The following ZNF708 variants were observed in gnomAD, a reference collection of about 807,000 sequenced individuals.
ZNF708 encodes zinc finger protein 708, also known as ZNF15, ZNF15L1.
Under a neutral mutation model 47.0 loss-of-function variants are expected in ZNF708, and 44 were observed. The ratio of observed to expected loss-of-function variants is 0.94; its 90% confidence interval spans 0.74 to 1.20. The LOEUF is 1.20. ZNF708 is among the 50% of genes most tolerant of loss of function. The pLI, the probability that ZNF708 is intolerant of heterozygous loss-of-function variation, is 0.00. For synonymous variants in ZNF708, 184 were observed against 218.5 expected (o/e 0.84, Z 1.39); for missense variants, 557 against 656.0 (o/e 0.85, Z 1.65).
At chr19:21,323,831 AAAC>A (rs1465536074) in intron 1 of ZNF708, among the ~76,000 whole-genome samples, 1 of 152,190 alleles carries the variant, frequency 6.6e-6, no homozygotes, top group Non-Finnish European at 1.5e-5. Context: ...TCCCCAGAAA[AAAC>A]TAACTGGGCC....
intron 1 of ZNF708, among the ~76,000 whole-genome samples, chr19:21,313,563 G>A (rs996121029): frequency 1.6e-4 from 25 of 151,900 alleles, no homozygotes; most frequent in Non-Finnish European, 3.1e-4. Context: ...TTTGAGACCA[G>A]CCTAGCCAAC....
intron 1 of ZNF708, among the ~76,000 whole-genome samples, chr19:21,323,163 T>C (rs1195275642): frequency 6.6e-6 from 1 of 152,220 alleles, no homozygotes; most frequent in Non-Finnish European, 1.5e-5. Flanking sequence ...CTTCATTGTT[T>C]GTGTTCTCCA....
intron 3 of ZNF708, among the ~76,000 whole-genome samples, chr19:21,307,396 C>A (rs773045657): frequency 6.6e-6 from 1 of 151,728 alleles, no homozygotes; most frequent in Non-Finnish European, 1.5e-5. Flanking sequence ...GAAGCTGAGG[C>A]GGGTGGATCA....
At chr19:21,299,545 G>C (rs1223282362) in intron 3 of ZNF708, among the ~76,000 whole-genome samples, 1 of 152,098 alleles carries the variant, frequency 6.6e-6, no homozygotes, top group South Asian at 2.1e-4. Context: ...GAAATCAGGA[G>C]TTCAAGACCA....
chr19:21,293,953 C>T lies in ZNF708; in HGVS notation c.1013G>A (p.Cys338Tyr), dbSNP rs747212271. 28 of 1,613,260 alleles carry T rather than the reference C, an allele frequency of 1.7e-5. No homozygotes were observed. The highest frequency in any genetic ancestry group is 2.1e-5 in the Non-Finnish European group (25 of 1,179,838). ...RIHTGEKPYK[C>Y]EECGKAFSVF... Reference sequence around the variant, plus strand: ...ACTAAAAGCTTTGCCACATTCTTCACATTTGTAGGGTTTCTCACCAGTATG... The same window carrying T: ...ACTAAAAGCTTTGCCACATTCTTCATATTTGTAGGGTTTCTCACCAGTATG... The change falls in exon 4 of 4, where the codon TGT becomes TAT. Residue 338 changes from cysteine to tyrosine, a missense_variant. Cys to Tyr is a radical substitution (Grantham distance 194). Coordinates refer to ENST00000356929, the MANE Select transcript of ZNF708 (RefSeq NM_021269.3).
chr19:21,294,503 C>T lies in ZNF708; in HGVS notation c.463G>A (p.Ala155Thr), dbSNP rs1465486287. 7 of 1,613,906 alleles carry T rather than the reference C, an allele frequency of 4.3e-6. No individual in the cohort carries two copies. In the Admixed American group the frequency reaches 1.0e-4, roughly 23 times the overall value. The change falls in exon 4 of 4, where the codon GCA becomes ACA. Residue 155 changes from alanine to threonine, a missense_variant. Ala to Thr is a moderately conservative substitution (Grantham distance 58). Coordinates refer to ENST00000356929, the MANE Select transcript of ZNF708 (RefSeq NM_021269.3). ...GTATGTCTTATCTTATGTCTCTTTG[C>T]ATTTGAATATTTATGAAAGACTTTC... ...YVKVFHKYSN[A>T]KRHKIRHTGK...
chr19:21,309,146 C>T, intron 3 of ZNF708, 100 bp downstream of exon 3: 1 of 1,199,606 alleles, frequency 8.3e-7, no homozygotes, highest in Non-Finnish European at 1.2e-6. Flanking sequence ...TGCCTAGAAA[C>T]TTTGGAACAC....
Position 21,316,960 on chromosome 19 carries a change from TA to T in ZNF708, c.4-6334del, listed in dbSNP as rs554816180. On this transcript the variant is annotated intron_variant, in intron 1 of 3. Coordinates refer to ENST00000356929, the MANE Select transcript of ZNF708 (RefSeq NM_021269.3). The stretch of plus-strand genomic sequence containing the variant: ...TGCCACCACCCTCAGCTAATTTTTG[TA>T]TTTTTAGTAGAGACGGGGTTTCTCC... Among the ~76,000 whole-genome samples, 32 of 152,088 alleles carry T rather than the reference TA, an allele frequency of 2.1e-4. No individual in the cohort carries two copies. In the East Asian group the frequency reaches 3.7e-3, roughly 18 times the overall value.
intron 3 of ZNF708, among the ~76,000 whole-genome samples, chr19:21,299,241 C>T (rs1972605122): frequency 6.6e-6 from 1 of 151,768 alleles, no homozygotes; most frequent in Non-Finnish European, 1.5e-5. Context: ...GTAATCCCAG[C>T]TACTTGGGAG....
chr19:21,300,823 G>T (rs1356069435), intron 3 of ZNF708, among the ~76,000 whole-genome samples: 2 of 151,700 alleles, frequency 1.3e-5, no homozygotes, highest in Non-Finnish European at 2.9e-5. Flanking sequence ...ACCAGGCCCA[G>T]GTAATTTTTT....
chr19:21,310,098 G>A (rs1037798844), intron 2 of ZNF708, among the ~76,000 whole-genome samples: 1 of 151,940 alleles, frequency 6.6e-6, no homozygotes, highest in Admixed American at 6.6e-5. Flanking sequence ...AAAAAAACAC[G>A]CAACAAAAAA....
At chr19:21,320,996 C>T (rs952929075) in intron 1 of ZNF708, among the ~76,000 whole-genome samples, 3 of 151,800 alleles carry the variant, frequency 2.0e-5, no homozygotes, top group Non-Finnish European at 4.4e-5. Context: ...AAAAAATTAG[C>T]TGGGCGTGGT....
intron 1 of ZNF708, among the ~76,000 whole-genome samples, chr19:21,326,557 G>A (rs1355808294): frequency 2.0e-5 from 3 of 152,196 alleles, no homozygotes; most frequent in Non-Finnish European, 4.4e-5. Flanking sequence ...GATTTGAGGG[G>A]AAGAGTGGAA....
At chr19:21,296,719 CA>C (rs1331945410) in intron 3 of ZNF708, among the ~76,000 whole-genome samples, 1 of 151,940 alleles carries the variant, frequency 6.6e-6, no homozygotes, top group Non-Finnish European at 1.5e-5. Flanking sequence ...TTTACATACA[CA>C]AAAACAGAAT....
chr19:21,304,774 G>C (rs1396283578), intron 3 of ZNF708, among the ~76,000 whole-genome samples: 1 of 152,092 alleles, frequency 6.6e-6, no homozygotes, highest in Non-Finnish European at 1.5e-5. Context: ...TCAAAAATTT[G>C]AGGTAAAAGG....
In ZNF708 at chr19:21,324,711, T is replaced by C. The variant is rs578218156; in HGVS notation, c.3+4499A>G. 4.4e-3 allele frequency among the ~76,000 whole-genome samples: 670 copies of C among 152,344 alleles called. 11 individuals are homozygous for C. The highest frequency in any genetic ancestry group is 0.016 in the African/African-American group (645 of 41,576). On this transcript the variant is annotated intron_variant, in intron 1 of 3. Transcript: ENST00000356929. ...AAACAATAAATGCATTATTTTATTA[T>C]TTCCATTAAAAGTCATATAGTAAAC...
intron 3 of ZNF708, among the ~76,000 whole-genome samples, chr19:21,301,958 C>T (rs1670744669): frequency 1.3e-5 from 2 of 152,186 alleles, no homozygotes; most frequent in South Asian, 4.1e-4. Flanking sequence ...AAGCACAGTC[C>T]TATGAAAAGT....
At chr19:21,297,195 C>T (rs1303638390) in intron 3 of ZNF708, among the ~76,000 whole-genome samples, 2 of 127,574 alleles carry the variant, frequency 1.6e-5, no homozygotes, top group Non-Finnish European at 3.2e-5. Flanking sequence ...ACATCAGTAA[C>T]AAAGTAGAGA....
chr19:21,294,070 T>C lies in ZNF708; in HGVS notation c.896A>G (p.Lys299Arg), dbSNP rs1229396218. 2 of 1,613,652 alleles carry C rather than the reference T, an allele frequency of 1.2e-6. No homozygotes were observed. The highest frequency in any genetic ancestry group is 1.7e-6 in the Non-Finnish European group (2 of 1,179,890). The change falls in exon 4 of 4, where the codon AAG becomes AGG. Residue 299 changes from lysine to arginine, a missense_variant. By Grantham distance (26) the Lys-to-Arg change is conservative (BLOSUM62 2). Coordinates refer to ENST00000356929, the MANE Select transcript of ZNF708 (RefSeq NM_021269.3). ...FKQSSNLTNHKKIHTGEKPYK... is the reference protein window; with the variant it reads ...FKQSSNLTNHRKIHTGEKPYK... ...GGGTTTCTCTCCAGTATGAATTTTC[T>C]TGTGATTAGTAAGGTTTGAGGACTG...
Sources: gnomAD v4.1 joint callset for allele counts (sites outside exome capture counted in the v4.1 genomes callset) on GRCh38, gnomAD v4.1.1 for gene constraint, MANE v1.5 for transcripts, NCBI Gene and HGNC (gene_info 2026-07-23, HGNC 2026-07-21) for gene names.